Variants in SELENOI observed in about 807,000 individuals in gnomAD.
SELENOI encodes selenoprotein I.
Under a neutral mutation model 50.7 loss-of-function variants are expected in SELENOI, and 24 were observed. That is an observed-to-expected ratio of 0.47 (90% CI 0.34 to 0.67). The LOEUF (loss-of-function observed/expected upper bound fraction) is 0.67, where lower values mean the gene tolerates loss of function less well. Among genes scored for constraint, SELENOI ranks in the 30% least tolerant of loss-of-function variants. The probability of loss-of-function intolerance (pLI) is 0.01; values close to 1 mark genes in which losing one functional copy is unlikely to be tolerated. For missense variants in SELENOI, 352 were observed against 461.4 expected (o/e 0.76, Z 2.17); for synonymous variants, 155 against 170.2 (o/e 0.91, Z 0.70).
chr2:26,357,988 T>G (rs942979503), intron 1 of SELENOI, among the ~76,000 whole-genome samples: 6 of 152,246 alleles, frequency 3.9e-5, no homozygotes, highest in Non-Finnish European at 8.8e-5. Context: ...CCCCTTTTGC[T>G]TGGCTCTCAT....
At chr2:26,361,494 C>G (rs1177692773) in intron 1 of SELENOI, among the ~76,000 whole-genome samples, 2 of 152,196 alleles carry the variant, frequency 1.3e-5, no homozygotes, top group African/African-American at 4.8e-5. Context: ...GTGTACTGTA[C>G]TTACCTATTT....
chr2:26,373,295 A>G (rs929079474), intron 4 of SELENOI, 72 bp from the exon 5 acceptor site: 2 of 1,502,736 alleles, frequency 1.3e-6, no homozygotes, highest in African/African-American at 1.4e-5. Flanking sequence ...TTTTTCCTCC[A>G]GTTTATTAAA....
At chr2:26,387,433 G>A (rs989770723) in intron 9 of SELENOI, among the ~76,000 whole-genome samples, 2 of 152,094 alleles carry the variant, frequency 1.3e-5, no homozygotes, top group Non-Finnish European at 2.9e-5. Flanking sequence ...GCTCATGCCT[G>A]TAATCCTAGC....
chr2:26,388,013 A>G (rs1483370980), intron 9 of SELENOI, among the ~76,000 whole-genome samples: 1 of 152,246 alleles, frequency 6.6e-6, no homozygotes, highest in Non-Finnish European at 1.5e-5. Flanking sequence ...TTCTTCCCTT[A>G]GTGTTTCTCT....
At chr2:26,352,801 T>C (rs1676987900) in intron 1 of SELENOI, among the ~76,000 whole-genome samples, 1 of 150,678 alleles carries the variant, frequency 6.6e-6, no homozygotes, top group Non-Finnish European at 1.5e-5. Context: ...ATAAAAAAAA[T>C]TAGTGTCTTT....
intron 4 of SELENOI, 62 bp from the exon 5 acceptor site, chr2:26,373,305 A>C (rs1677498116): frequency 1.3e-6 from 2 of 1,528,008 alleles, no homozygotes; most frequent in East Asian, 2.4e-5. Context: ...AGTTTATTAA[A>C]GAAGACTTTC....
At chr2:26,386,331 T>A (rs376432026) in intron 8 of SELENOI, 23 bp from the exon 9 acceptor site, 2 of 1,587,922 alleles carry the variant, frequency 1.3e-6, no homozygotes, top group Non-Finnish European at 8.5e-7. Flanking sequence ...TTTTCTCTCT[T>A]ATTTTTTTAA....
Position 26,389,248 on chromosome 2 carries a change from A to G in SELENOI, c.*145A>G, listed in dbSNP as rs1384856366. 3 of 648,356 alleles carry G rather than the reference A, an allele frequency of 4.6e-6. No homozygotes were observed. Among genetic ancestry groups the G allele is most frequent in the Non-Finnish European group, 5.2e-6 (2 of 385,594 alleles). The allele number at this position is 648,356 out of a possible 1,614,324, so 40.2% of individuals were successfully genotyped here. ...AGCAGGAATGATACATATAATCTGAACTTGGGAAATTTTGGACCTACTAAC... is the reference window on the plus strand; with the variant it reads ...AGCAGGAATGATACATATAATCTGAGCTTGGGAAATTTTGGACCTACTAAC... On this transcript the variant is annotated 3_prime_UTR_variant, in exon 10 of 10. Transcript: ENST00000260585.
chr2:26,379,416 T>G (rs1677636685), intron 6 of SELENOI, among the ~76,000 whole-genome samples: 1 of 152,158 alleles, frequency 6.6e-6, no homozygotes, highest in African/African-American at 2.4e-5. Context: ...ATTAACATGT[T>G]CCTCTGCCCC....
intron 6 of SELENOI, among the ~76,000 whole-genome samples, chr2:26,376,288 C>G (rs1384202424): frequency 2.0e-5 from 3 of 152,064 alleles, no homozygotes; most frequent in African/African-American, 4.8e-5. Flanking sequence ...ATCTTGAAAT[C>G]TATCAAATGT....
At chr2:26,359,014 C>T (rs768752415) in intron 1 of SELENOI, among the ~76,000 whole-genome samples, 6 of 152,162 alleles carry the variant, frequency 3.9e-5, no homozygotes, top group South Asian at 4.1e-4. Context: ...TTGTCTGAAG[C>T]AGGGGTTGTC....
chr2:26,387,397 A>G (rs901608800), intron 9 of SELENOI, among the ~76,000 whole-genome samples: 2 of 152,130 alleles, frequency 1.3e-5, no homozygotes, highest in Non-Finnish European at 2.9e-5. Context: ...CACCATTATA[A>G]ATATTGCCCT....
intron 1 of SELENOI, among the ~76,000 whole-genome samples, chr2:26,352,583 A>C (rs1322645254): frequency 6.6e-6 from 1 of 152,170 alleles, no homozygotes; most frequent in East Asian, 1.9e-4. Context: ...CAGGAGTTCG[A>C]GACCACCCTG....
intron 1 of SELENOI, among the ~76,000 whole-genome samples, chr2:26,349,518 C>T (rs931813434): frequency 3.9e-5 from 6 of 151,998 alleles, no homozygotes; most frequent in African/African-American, 7.2e-5. Flanking sequence ...GTTGGCCAGG[C>T]TGGTCTCGAA....
intron 5 of SELENOI, among the ~76,000 whole-genome samples, chr2:26,373,950 CTA>C (rs1677512639): frequency 1.6e-4 from 25 of 152,232 alleles, no homozygotes; most frequent in Admixed American, 1.4e-3. Context: ...CAGGGTTTCA[CTA>C]TGTTGGCTGG....
chr2:26,351,842 A>G (rs1225137371), intron 1 of SELENOI, among the ~76,000 whole-genome samples: 1 of 152,132 alleles, frequency 6.6e-6, no homozygotes, highest in East Asian at 1.9e-4. Flanking sequence ...GGTTATTTCC[A>G]TCTTTAACAA....
chr2:26,357,566 G>A (rs1001475271), intron 1 of SELENOI, among the ~76,000 whole-genome samples: 45 of 152,186 alleles, frequency 3.0e-4, no homozygotes, highest in Admixed American at 2.9e-3. Context: ...AGCTCTAGGC[G>A]AGAATCCTTC....
At chr2:26,359,514 G>T in intron 1 of SELENOI, among the ~76,000 whole-genome samples, 1 of 152,000 alleles carries the variant, frequency 6.6e-6, no homozygotes, top group Admixed American at 6.5e-5. Context: ...GTGGTGGCGG[G>T]TGCCTGTAAT....
chr2:26,360,967 C>A (rs1285829784), intron 1 of SELENOI, among the ~76,000 whole-genome samples: 3 of 152,200 alleles, frequency 2.0e-5, no homozygotes, highest in South Asian at 2.1e-4. Flanking sequence ...GTAATCCCAG[C>A]ACTTTGGGAG....
Sources: gnomAD v4.1 joint callset for allele counts (sites outside exome capture counted in the v4.1 genomes callset) on GRCh38, gnomAD v4.1.1 for gene constraint, MANE v1.5 for transcripts, NCBI Gene and HGNC (gene_info 2026-07-23, HGNC 2026-07-21) for gene names.